Variants in ADAM20 observed in about 807,000 individuals in gnomAD.
The protein encoded by ADAM20 is ADAM metallopeptidase domain 20.
For missense variants in ADAM20, 871 were observed against 883.2 expected, an observed-to-expected ratio of 0.99 and a Z score of 0.18; for synonymous variants, 305 against 310.2, an observed-to-expected ratio of 0.98 and a Z score of 0.18.
chr14:70,524,740 G>A lies in ADAM20; in HGVS notation c.18C>T (p.Pro6=). MAVGE[P]LVHIRVTLLL... ...GAAGAGTGACCCTGATGTGCACCAG[G>A]GGCTCACCCACTGCCATTATGAAGC... The change falls in exon 2 of 2, where the codon CCC becomes CCT. Residue 6 remains proline (P), a synonymous_variant. Coordinates refer to ENST00000256389, the MANE Select transcript of ADAM20 (RefSeq NM_003814.5). 6.2e-7 allele frequency: 1 copy of A among 1,613,884 alleles called. No individual in the cohort carries two copies. Among genetic ancestry groups the A allele is most frequent in the Non-Finnish European group, 8.5e-7 (1 of 1,179,928 alleles).
At chr14:70,548,888 T>G in the ADAM20 span, among the ~76,000 whole-genome samples, 1 of 112,944 alleles carries the variant, frequency 8.9e-6, no homozygotes, top group Non-Finnish European at 1.8e-5. Context: ...GAAAAAATGT[T>G]AAGGGCAGCC....
At chr14:70,563,533 A>G in the ADAM20 span, among the ~76,000 whole-genome samples, 7,759 of 152,282 alleles carry the variant, frequency 0.051, 258 homozygotes, top group Middle Eastern at 0.099. Flanking sequence ...AGAGTGATAC[A>G]GTTTGGACAT....
chr14:70,522,557 CCTT>C lies in ADAM20; in HGVS notation c.*17_*19del, dbSNP rs766671204. ...AAAAATGAAGTATAAAGTTTAGTCT[CCTT>C]CTTTTTCCCATTTCTCTTATCCTTC... is the stretch of plus-strand genomic sequence containing the variant. On this transcript the variant is annotated 3_prime_UTR_variant, in exon 2 of 2. Coordinates refer to ENST00000256389, the MANE Select transcript of ADAM20 (RefSeq NM_003814.5). 26 of 1,534,252 alleles carry C rather than the reference CCTT, an allele frequency of 1.7e-5. No individual in the cohort carries two copies. The Admixed American group carries it at 3.8e-4, about 22-fold the overall frequency.
At chr14:70,543,607 T>A in the ADAM20 span, among the ~76,000 whole-genome samples, 1 of 152,208 alleles carries the variant, frequency 6.6e-6, no homozygotes, top group Non-Finnish European at 1.5e-5. Flanking sequence ...GCATGGGTCA[T>A]CCCATTCTTG....
chr14:70,557,774 T>A, the ADAM20 span, among the ~76,000 whole-genome samples: 1 of 152,338 alleles, frequency 6.6e-6, no homozygotes, highest in East Asian at 1.9e-4. Flanking sequence ...TGCAATTTTT[T>A]TAGCTCATCA....
the ADAM20 span, among the ~76,000 whole-genome samples, chr14:70,543,662 C>T: frequency 6.6e-6 from 1 of 152,162 alleles, no homozygotes; most frequent in Non-Finnish European, 1.5e-5. Flanking sequence ...TCTTACCCTG[C>T]CTACTAAACC....
chr14:70,545,399 A>G, the ADAM20 span, among the ~76,000 whole-genome samples: 1 of 152,208 alleles, frequency 6.6e-6, no homozygotes, highest in Non-Finnish European at 1.5e-5. Context: ...CTGTCATGGC[A>G]GAAAGCAGAA....
At chr14:70,557,359 C>T in the ADAM20 span, 5 of 152,238 alleles carry the variant, frequency 3.3e-5, no homozygotes, top group South Asian at 1.0e-3. Context: ...TATGGGTGGA[C>T]CCTACCTACT....
chr14:70,555,458 A>G, the ADAM20 span, among the ~76,000 whole-genome samples: 6 of 152,336 alleles, frequency 3.9e-5, no homozygotes, highest in Non-Finnish European at 7.3e-5. Flanking sequence ...AGAATTTTCT[A>G]TAACATGCAC....
chr14:70,563,475 T>C, the ADAM20 span, among the ~76,000 whole-genome samples: 1 of 152,324 alleles, frequency 6.6e-6, no homozygotes, highest in African/African-American at 2.4e-5. Flanking sequence ...AACTGTGTTG[T>C]TCTACGCAAG....
At position 70,523,264 on chromosome 14, in the gene ADAM20, A is replaced by G. The variant is rs1883496763; in HGVS notation, c.1494T>C (p.Asn498=). 2 of 1,613,934 alleles carry G rather than the reference A, an allele frequency of 1.2e-6. No homozygotes were observed. The highest frequency in any genetic ancestry group is 1.7e-5 in the Admixed American group (1 of 59,976). Residue 498 remains asparagine (N), a synonymous_variant, in exon 2 of 2, where the codon AAT becomes AAC. Coordinates refer to ENST00000256389, the MANE Select transcript of ADAM20 (RefSeq NM_003814.5). ...DVYVQDGISC[N]VNAFCYEKTC... ...TCTTTTCATAGCAGAAGGCATTCACATTACAGGAGATCCCGTCCTGCACAT... is the reference window on the plus strand; with the variant it reads ...TCTTTTCATAGCAGAAGGCATTCACGTTACAGGAGATCCCGTCCTGCACAT...
upstream of ADAM20, among the ~76,000 whole-genome samples, chr14:70,538,245 G>A (rs1220384110): frequency 6.6e-6 from 1 of 152,056 alleles, no homozygotes; most frequent in Non-Finnish European, 1.5e-5. Context: ...TCTGAGAAGT[G>A]GCTAGGTTTG....
At chr14:70,543,288 G>A in the ADAM20 span, among the ~76,000 whole-genome samples, 18 of 152,108 alleles carry the variant, frequency 1.2e-4, no homozygotes, top group South Asian at 2.1e-4. Context: ...ATGCTTTACC[G>A]ACTCTACTAT....
chr14:70,539,136 C>T (rs1385763155), upstream of ADAM20, among the ~76,000 whole-genome samples: 2 of 149,152 alleles, frequency 1.3e-5, no homozygotes, highest in African/African-American at 5.0e-5. Flanking sequence ...GACGTGCAGT[C>T]AGAGAGGTTT....
At chr14:70,569,248 T>A in the ADAM20 span, among the ~76,000 whole-genome samples, 23 of 152,156 alleles carry the variant, frequency 1.5e-4, no homozygotes, top group Admixed American at 1.5e-3. Flanking sequence ...CTCCACCAGA[T>A]AAGCCCTACA....
chr14:70,540,260 T>C, the ADAM20 span, among the ~76,000 whole-genome samples: 1 of 152,208 alleles, frequency 6.6e-6, no homozygotes, highest in African/African-American at 2.4e-5. Context: ...TTATAACTAT[T>C]GGATCTTCTT....
At chr14:70,543,879 A>C in the ADAM20 span, among the ~76,000 whole-genome samples, 1 of 152,170 alleles carries the variant, frequency 6.6e-6, no homozygotes, top group African/African-American at 2.4e-5. Context: ...GAGCATCACC[A>C]TCTTGGACAA....
At chr14:70,530,876 TA>T (rs554347882) in intron 1 of ADAM20, among the ~76,000 whole-genome samples, 276 of 140,646 alleles carry the variant, frequency 2.0e-3, no homozygotes, top group Middle Eastern at 3.5e-3. Context: ...TACTGACATT[TA>T]AAAAAAAAAA....
rs774295974 is a variant in ADAM20, at chr14:70,523,139, C to T, written c.1619G>A (p.Arg540His). The change falls in exon 2 of 2, where the codon CGT (arginine) becomes CAT (histidine). Residue 540 changes from arginine to histidine, a missense_variant. Physicochemically the swap from Arg to His is conservative, Grantham distance 29 (BLOSUM62 0). Transcript: ENST00000256389. ...CYQEINTQGNRFGHCGIVGTT... is the reference protein window; with the variant it reads ...CYQEINTQGNHFGHCGIVGTT... ...GCCTACAATACCACAGTGACCGAAA[C>T]GGTTTCCTTGGGTGTTGATTTCTTG... 1.9e-5 allele frequency: 30 copies of T among 1,613,830 alleles called. No individual in the cohort carries two copies. The highest frequency in any genetic ancestry group is 1.8e-4 in the East Asian group (8 of 44,890).
Sources: allele counts gnomAD v4.1 joint callset (sites outside exome capture counted in the v4.1 genomes callset), GRCh38; gene constraint gnomAD v4.1.1; transcripts MANE v1.5; gene names NCBI Gene and HGNC (gene_info 2026-07-23, HGNC 2026-07-21).